F11R: variants seen among roughly 807,000 people sequenced by gnomAD.
The protein encoded by F11R is F11 receptor.
F11R carries 27 observed loss-of-function variants against 39.3 expected under a neutral mutation model. The ratio of observed to expected loss-of-function variants is 0.69; its 90% CI spans 0.51 to 0.95. The LOEUF (loss-of-function observed/expected upper bound fraction) is 0.95, where lower values mean the gene tolerates loss of function less well. Ranked by LOEUF, F11R falls within the 40% of genes least tolerant of loss-of-function variation. The pLI, the probability that F11R is intolerant of heterozygous loss-of-function variation, is 0.00. For synonymous variants in F11R, 131 were observed against 144.9 expected (o/e 0.90, Z 0.69); for missense variants, 335 against 372.7 (o/e 0.90, Z 0.83).
intron 1 of F11R, among the ~76,000 whole-genome samples, chr1:161,003,505 T>G (rs1421062182): frequency 1.3e-5 from 2 of 152,036 alleles, no homozygotes; most frequent in African/African-American, 4.8e-5. Flanking sequence ...TAAAGTGATC[T>G]GCCCGCTGCA....
intron 1 of F11R, among the ~76,000 whole-genome samples, chr1:161,003,459 C>T (rs812741): frequency 0.25 from 37,643 of 152,010 alleles, 5,004 homozygotes; most frequent in Middle Eastern, 0.29. Context: ...GATGGGGTTT[C>T]ACCACGTTGG....
intron 1 of F11R, among the ~76,000 whole-genome samples, chr1:161,005,125 A>C (rs1156628787): frequency 6.6e-6 from 1 of 150,884 alleles, no homozygotes; most frequent in African/African-American, 2.4e-5. Context: ...GTGCCACTGC[A>C]CTCCAGCCTG....
intron 1 of F11R, among the ~76,000 whole-genome samples, chr1:161,014,482 T>A (rs986950736): frequency 3.3e-5 from 5 of 151,950 alleles, no homozygotes; most frequent in African/African-American, 1.2e-4. Context: ...GGCAAAAGGA[T>A]CCCTTAAAGC....
At chr1:161,009,495 C>T (rs1188658622) in intron 1 of F11R, among the ~76,000 whole-genome samples, 3 of 151,826 alleles carry the variant, frequency 2.0e-5, no homozygotes, top group Non-Finnish European at 2.9e-5. Flanking sequence ...CAGTCATGCA[C>T]GCCCATGAAC....
chr1:161,010,124 T>C (rs1372492227), intron 1 of F11R, among the ~76,000 whole-genome samples: 1 of 151,286 alleles, frequency 6.6e-6, no homozygotes. Context: ...ACCATTTCAT[T>C]TTACAGATGA....
chr1:160,999,393 C>T lies in F11R; in HGVS notation c.815+3G>A. 3 of 1,614,240 alleles carry T rather than the reference C, an allele frequency of 1.9e-6. No individual in the cohort carries two copies. Among genetic ancestry groups the T allele is most frequent in the African/African-American group, 1.3e-5 (1 of 75,074 alleles). On this transcript the variant is annotated splice_donor_region_variant and intron_variant, in intron 8 of 9. Coordinates refer to ENST00000368026, the MANE Select transcript of F11R (RefSeq NM_016946.6). ...GAGAACCCCAGGACAGCACCTCACT[C>T]ACCCTTTCTTTGTTCCTGAAAGAGA...
At chr1:161,018,186 T>G in intron 1 of F11R, among the ~76,000 whole-genome samples, 1 of 152,198 alleles carries the variant, frequency 6.6e-6, no homozygotes, top group East Asian at 1.9e-4. Context: ...GCTCTCCCAG[T>G]GTCTACCCTC....
chr1:161,001,621 C>A (rs1648498197), intron 1 of F11R, among the ~76,000 whole-genome samples: 1 of 152,138 alleles, frequency 6.6e-6, no homozygotes, highest in African/African-American at 2.4e-5. Flanking sequence ...TCTGTGACTC[C>A]CAATAATCTA....
rs774967249 is a variant in F11R, at chr1:160,999,603, G to T, written c.802+37C>A. On this transcript the variant is annotated intron_variant, in intron 7 of 9. Transcript: ENST00000368026. ...ACCCATGCCAGGCCCTGGGATGGGG[G>T]CAGTACAAAGGAGAGCCTCTGGGGG... 7.0e-6 allele frequency: 11 copies of T among 1,580,224 alleles called. 1 individual carries two copies. The Admixed American group carries it at 1.2e-4, about 17-fold the overall frequency.
At chr1:161,011,649 G>A (rs1649168491) in intron 1 of F11R, among the ~76,000 whole-genome samples, 1 of 151,732 alleles carries the variant, frequency 6.6e-6, no homozygotes, top group Non-Finnish European at 1.5e-5. Flanking sequence ...AGAATTGCTG[G>A]AGCCCAGGAA....
rs773891481 is a variant in F11R, at chr1:161,015,964, CTA to C, written c.64+5044_64+5045del. On this transcript the variant is annotated intron_variant, in intron 1 of 9. Coordinates refer to ENST00000368026, the MANE Select transcript of F11R (RefSeq NM_016946.6). ...TTTTTTAAAAAAAATCACAGTAGCT[CTA>C]TCTTGAATCGGAACTGGGCTGGAGA... Among the ~76,000 whole-genome samples the C allele has an allele frequency of 3.9e-5, 6 of 152,128 alleles. No individual in the cohort carries two copies. The East Asian group carries it at 9.7e-4, about 24-fold the overall frequency.
In F11R at chr1:161,000,207, G is replaced by A. The variant is rs1330983613; in HGVS notation, c.530C>T (p.Pro177Leu). The change falls in exon 5 of 10, where the codon CCC becomes CTC. Residue 177 changes from proline to leucine, a missense_variant. By Grantham distance (98) the Pro-to-Leu change is moderately conservative. Transcript: ENST00000368026. ...FKDGIVMPTN[P>L]KSTRAFSNSS... ...GTTGCTGAAGGCACGGGTGCTTTTGGGATTCGTAGGCATCACTATCCCATC... is the reference window on the plus strand; with the variant it reads ...GTTGCTGAAGGCACGGGTGCTTTTGAGATTCGTAGGCATCACTATCCCATC... 1 of 1,614,048 alleles carries A rather than the reference G, an allele frequency of 6.2e-7. No homozygotes were observed. The highest frequency in any genetic ancestry group is 1.1e-5 in the South Asian group (1 of 91,078).
intron 1 of F11R, among the ~76,000 whole-genome samples, chr1:161,016,509 T>G (rs1439871777): frequency 6.7e-6 from 1 of 149,946 alleles, no homozygotes; most frequent in Non-Finnish European, 1.5e-5. Flanking sequence ...TACAAAAAAT[T>G]AGCCGGGCGT....
intron 1 of F11R, among the ~76,000 whole-genome samples, chr1:161,016,581 C>T (rs1649477004): frequency 6.6e-6 from 1 of 151,990 alleles, no homozygotes. Context: ...CGCTTGAAGC[C>T]GGGAGGTGGA....
intron 1 of F11R, among the ~76,000 whole-genome samples, chr1:161,015,928 T>G (rs1171066293): frequency 6.6e-6 from 1 of 152,128 alleles, no homozygotes; most frequent in Admixed American, 6.6e-5. Context: ...ATTAACCTAT[T>G]CTAATTAAAT....
At chr1:161,019,860 G>A (rs1293683550) in intron 1 of F11R, among the ~76,000 whole-genome samples, 2 of 152,102 alleles carry the variant, frequency 1.3e-5, no homozygotes, top group Non-Finnish European at 2.9e-5. Context: ...ATAGAAAGAG[G>A]ATGATATATG....
chr1:161,020,245 A>G (rs1649686677), intron 1 of F11R, among the ~76,000 whole-genome samples: 1 of 152,200 alleles, frequency 6.6e-6, no homozygotes, highest in Admixed American at 6.5e-5. Context: ...ACTCTCATAC[A>G]CAGCCAGAGG....
chr1:161,001,422 G>T, intron 1 of F11R, 69 bp from the exon 2 acceptor site: 2 of 1,345,320 alleles, frequency 1.5e-6, no homozygotes, highest in Admixed American at 1.8e-5. Flanking sequence ...AGGAGTCACA[G>T]ACCCAGTGGA....
intron 1 of F11R, among the ~76,000 whole-genome samples, chr1:161,005,833 A>G (rs1382183454): frequency 2.0e-5 from 3 of 151,792 alleles, no homozygotes; most frequent in African/African-American, 7.3e-5. Flanking sequence ...CTCTTACTCA[A>G]CTCTCATTAA....
Sources: allele counts gnomAD v4.1 joint callset (sites outside exome capture counted in the v4.1 genomes callset), GRCh38; gene constraint gnomAD v4.1.1; transcripts MANE v1.5; gene names NCBI Gene and HGNC (gene_info 2026-07-23, HGNC 2026-07-21).